Variants in EIF5A2 observed in about 807,000 individuals in gnomAD.
EIF5A2 encodes the protein eukaryotic translation initiation factor 5A2.
EIF5A2 carries 15 observed loss-of-function variants against 16.4 expected under a neutral mutation model. The ratio of observed to expected loss-of-function variants is 0.92; its 90% confidence interval spans 0.61 to 1.41. EIF5A2 has a LOEUF of 1.41. EIF5A2 is among the 40% of genes most tolerant of loss of function. The pLI, the probability that EIF5A2 is intolerant of heterozygous loss-of-function variation, is 0.00. For synonymous variants in EIF5A2, 48 were observed against 61.1 expected, an observed-to-expected ratio of 0.79 and a Z score of 1.00; for missense variants, 144 against 189.5, an observed-to-expected ratio of 0.76 and a Z score of 1.41.
At chr3:170,896,111 CAG>C (rs1208584662) in intron 3 of EIF5A2, among the ~76,000 whole-genome samples, 1 of 152,130 alleles carries the variant, frequency 6.6e-6, no homozygotes, top group Non-Finnish European at 1.5e-5. Context: ...GACTGAAACA[CAG>C]AAGCCAAATA....
chr3:170,903,534 C>A (rs960041331), intron 3 of EIF5A2, among the ~76,000 whole-genome samples: 2 of 152,132 alleles, frequency 1.3e-5, no homozygotes, highest in African/African-American at 4.8e-5. Flanking sequence ...CTCATGATTA[C>A]CCTTAATGAT....
At chr3:170,897,968 G>A (rs1018964952) in intron 3 of EIF5A2, among the ~76,000 whole-genome samples, 17 of 152,326 alleles carry the variant, frequency 1.1e-4, no homozygotes, top group African/African-American at 4.1e-4. Flanking sequence ...GTGTGCCCTG[G>A]ATGTAAGACA....
At chr3:170,907,559 T>G in intron 2 of EIF5A2, 83 bp downstream of exon 2, 1 of 1,389,070 alleles carries the variant, frequency 7.2e-7, no homozygotes, top group Non-Finnish European at 9.5e-7. Flanking sequence ...ATTTTAAGTA[T>G]AGAAATCTCA....
intron 3 of EIF5A2, among the ~76,000 whole-genome samples, chr3:170,897,539 CAG>C (rs1158980083): frequency 6.6e-6 from 1 of 152,232 alleles, no homozygotes; most frequent in Non-Finnish European, 1.5e-5. Context: ...GCTGTTGCTT[CAG>C]AGAGTGTAAG....
chr3:170,903,831 T>G (rs1010866801), intron 3 of EIF5A2, among the ~76,000 whole-genome samples: 1 of 152,234 alleles, frequency 6.6e-6, no homozygotes. Flanking sequence ...ATACTACTTA[T>G]TTGAAGAATA....
rs1174730158 is a variant in EIF5A2, at chr3:170,904,782, G to A, written c.270+2207C>T. On this transcript the variant is annotated intron_variant, in intron 3 of 4. Coordinates refer to ENST00000295822, the MANE Select transcript of EIF5A2 (RefSeq NM_020390.6). ...TTTTCTATGCTGACTTGAAAATGAA[G>A]AGCAGAGAAATACTGAATACTTTCT... Among the ~76,000 whole-genome samples the A allele has an allele frequency of 3.3e-5, 5 of 152,268 alleles. No individual in the cohort carries two copies. The East Asian group carries it at 9.6e-4, about 29-fold the overall frequency.
chr3:170,900,426 AG>A (rs1712782355), intron 3 of EIF5A2, among the ~76,000 whole-genome samples: 1 of 151,168 alleles, frequency 6.6e-6, no homozygotes. Flanking sequence ...AAAATATTCT[AG>A]GGCTCCTTGC....
chr3:170,896,865 ACTT>A (rs1472817848), intron 3 of EIF5A2, among the ~76,000 whole-genome samples: 1 of 152,142 alleles, frequency 6.6e-6, no homozygotes, highest in Non-Finnish European at 1.5e-5. Context: ...CTTCCTAGAG[ACTT>A]GTTGAATGGA....
intron 3 of EIF5A2, among the ~76,000 whole-genome samples, chr3:170,894,664 C>A (rs1006884034): frequency 1.3e-5 from 2 of 151,628 alleles, no homozygotes; most frequent in African/African-American, 4.8e-5. Flanking sequence ...GTTTAGGTTT[C>A]TTTATAGTGT....
intron 4 of EIF5A2, among the ~76,000 whole-genome samples, chr3:170,893,660 T>C (rs1005262766): frequency 1.1e-4 from 17 of 152,228 alleles, no homozygotes; most frequent in African/African-American, 4.1e-4. Context: ...TACTACCCGT[T>C]ACATTTCTGA....
At chr3:170,905,055 ACTTGT>A (rs1712903566) in intron 3 of EIF5A2, among the ~76,000 whole-genome samples, 1 of 152,226 alleles carries the variant, frequency 6.6e-6, no homozygotes, top group African/African-American at 2.4e-5. Context: ...GAAGTAAGAC[ACTTGT>A]CTTGGGTGCA....
rs1712531788 is a variant in EIF5A2, at chr3:170,891,409, C to A, written c.*1951G>T. 6.6e-6 allele frequency: 1 copy of A among 152,628 alleles called. No individual in the cohort carries two copies. Among genetic ancestry groups the A allele is most frequent in the African/African-American group, 2.4e-5 (1 of 41,466 alleles). The allele number at this position is 152,628 out of a possible 1,614,324, so 9.5% of individuals were successfully genotyped here. A position where few individuals can be genotyped will look rare whatever the true frequency, so the allele number is the denominator to read the frequency against. ...AAAATGTTGTAGGAAAGACGACTAA[C>A]TACTACCTCACTATTTCTTGTGCTT... On this transcript the variant is annotated 3_prime_UTR_variant, in exon 5 of 5. Coordinates refer to ENST00000295822, the MANE Select transcript of EIF5A2 (RefSeq NM_020390.6).
chr3:170,907,922 A>G (rs1712982441), intron 1 of EIF5A2, 81 bp from the exon 2 acceptor site: 9 of 1,111,590 alleles, frequency 8.1e-6, no homozygotes, highest in Non-Finnish European at 1.1e-5. Flanking sequence ...GTTATGTGCC[A>G]AGCATCATGG....
At position 170,893,311 on chromosome 3, in the gene EIF5A2, A is replaced by T; in HGVS notation, c.*49T>A. The T allele has an allele frequency of 2.5e-6, 4 of 1,593,910 alleles. No individual in the cohort carries two copies. Among genetic ancestry groups the T allele is most frequent in the Non-Finnish European group, 3.4e-6 (4 of 1,165,882 alleles). ...TGGTGACAACTTAGAACCAAATTAG[A>T]TCTGCAGTTGATTCAGACATAAACA... On this transcript the variant is annotated 3_prime_UTR_variant, in exon 5 of 5. Transcript: ENST00000295822.
chr3:170,898,498 AT>A (rs1213601854), intron 3 of EIF5A2, among the ~76,000 whole-genome samples: 35 of 152,158 alleles, frequency 2.3e-4, no homozygotes, highest in African/African-American at 7.2e-4. Context: ...TGTTTGACAG[AT>A]CCCCCCTGCT....
intron 1 of EIF5A2, among the ~76,000 whole-genome samples, chr3:170,908,125 C>T (rs1359940285): frequency 6.6e-6 from 1 of 152,202 alleles, no homozygotes; most frequent in Non-Finnish European, 1.5e-5. Context: ...CCCCCATCGC[C>T]CCACCGCAGA....
chr3:170,908,361 C>T (rs911033075), intron 1 of EIF5A2, among the ~76,000 whole-genome samples, 182 bp downstream of exon 1: 1 of 152,192 alleles, frequency 6.6e-6, no homozygotes, highest in South Asian at 2.1e-4. Flanking sequence ...GGGCTCAGCT[C>T]GGCCCGGCCC....
Position 170,894,400 on chromosome 3 carries a change from G to GT in EIF5A2, c.293dup (p.Tyr98Ter). 1 of 1,613,872 alleles carries GT rather than the reference G, an allele frequency of 6.2e-7. No homozygotes were observed. ...CACCAGTTTCTGTCAGCAGGGAAAG[G>GT]TAACCATCTTGAATGCATATCAGCT... ...DYQLICIQDG[Y>*]LSLLTETGEV... The change falls in exon 4 of 5, where the codon TAC (tyrosine) becomes TAAC (stop). Residue 98 changes from tyrosine (Y) to a stop codon, truncating the protein, a stop_gained and frameshift_variant. Transcript: ENST00000295822. LOFTEE classifies it high-confidence loss of function.
At chr3:170,896,862 G>C (rs139541113) in intron 3 of EIF5A2, among the ~76,000 whole-genome samples, 14 of 152,310 alleles carry the variant, frequency 9.2e-5, no homozygotes, top group Admixed American at 9.2e-4. Context: ...AAACTTCCTA[G>C]AGACTTGTTG....
Sources: allele counts gnomAD v4.1 joint callset (sites outside exome capture counted in the v4.1 genomes callset), GRCh38; gene constraint gnomAD v4.1.1; transcripts MANE v1.5; gene names NCBI Gene and HGNC (gene_info 2026-07-23, HGNC 2026-07-21).